The following ACADSB variants were observed in gnomAD, a reference collection of about 807,000 sequenced individuals.
ACADSB encodes short/branched chain specific acyl-CoA dehydrogenase, mitochondrial.
A neutral mutation model predicts 54.1 loss-of-function variants in ACADSB; 40 were observed. The ratio of observed to expected loss-of-function variants is 0.74; its 90% CI spans 0.57 to 0.96. ACADSB has a LOEUF of 0.96. ACADSB is among the 40% of genes least tolerant of loss of function. The probability of loss-of-function intolerance (pLI) is 0.00; values close to 1 mark genes in which losing one functional copy is unlikely to be tolerated. For missense variants in ACADSB, 530 were observed against 510.4 expected (o/e 1.04, Z -0.37); for synonymous variants, 182 against 182.8 (o/e 1.00, Z 0.03).
intron 1 of ACADSB, among the ~76,000 whole-genome samples, chr10:123,023,298 C>T (rs763577108): frequency 9.2e-5 from 14 of 152,190 alleles, no homozygotes; most frequent in Non-Finnish European, 1.5e-4. Flanking sequence ...ATTCTGAAGG[C>T]ATTTCTATTT....
chr10:123,030,407 A>G (rs1396692639), intron 1 of ACADSB, among the ~76,000 whole-genome samples: 2 of 151,872 alleles, frequency 1.3e-5, no homozygotes, highest in African/African-American at 4.8e-5. Flanking sequence ...CACACCTGTA[A>G]TCCTAGCTAT....
At chr10:123,025,074 C>T (rs1012367319) in intron 1 of ACADSB, among the ~76,000 whole-genome samples, 3 of 151,664 alleles carry the variant, frequency 2.0e-5, no homozygotes, top group Non-Finnish European at 2.9e-5. Flanking sequence ...CATGCCTGGG[C>T]GACAGAGTGA....
intron 3 of ACADSB, among the ~76,000 whole-genome samples, chr10:123,038,349 A>C (rs1283644605): frequency 6.6e-6 from 1 of 152,254 alleles, no homozygotes; most frequent in Non-Finnish European, 1.5e-5. Flanking sequence ...GCTCTATATA[A>C]GTGATAAACT....
chr10:123,049,315 T>C (rs1850598755), intron 8 of ACADSB, among the ~76,000 whole-genome samples: 1 of 152,244 alleles, frequency 6.6e-6, no homozygotes, highest in Non-Finnish European at 1.5e-5. Flanking sequence ...TTCAATTGTT[T>C]ATTCAGTATA....
At chr10:123,023,836 G>A (rs1316204001) in intron 1 of ACADSB, among the ~76,000 whole-genome samples, 1 of 152,232 alleles carries the variant, frequency 6.6e-6, no homozygotes, top group Non-Finnish European at 1.5e-5. Flanking sequence ...AAACAGTATT[G>A]CAAAATTTCC....
intron 1 of ACADSB, among the ~76,000 whole-genome samples, chr10:123,032,620 G>C (rs888826838): frequency 2.5e-5 from 3 of 119,390 alleles, no homozygotes; most frequent in African/African-American, 9.9e-5. Context: ...ACGGAGTTTC[G>C]CTCTTGTTGC....
chr10:123,027,229 C>T (rs1850266662), intron 1 of ACADSB, among the ~76,000 whole-genome samples: 1 of 152,106 alleles, frequency 6.6e-6, no homozygotes, highest in Non-Finnish European at 1.5e-5. Context: ...AGTAAGGATG[C>T]CCAGGGCAGA....
rs1038572334 is a variant in ACADSB, at chr10:123,044,405, A to G, written c.820A>G (p.Asn274Asp). The stretch of plus-strand genomic sequence containing the variant: ...TTTGTATTTTCAGGTTCCAGAAGCC[A>G]ATATCTTGGGACAAATTGGACATGG... ...TFENVKVPEA[N>D]ILGQIGHGYK... The change falls in exon 7 of 11, where the codon AAT (asparagine) becomes GAT (aspartate). Residue 274 changes from asparagine to aspartate, a missense_variant. Transcript: ENST00000358776. 6.8e-6 allele frequency: 11 copies of G among 1,612,982 alleles called. No individual in the cohort carries two copies. The highest frequency in any genetic ancestry group is 2.7e-5 in the African/African-American group (2 of 74,926).
rs1004691105 is a variant in ACADSB at position 123,044,416 on chromosome 10, A to G, written c.831A>G (p.Gly277=). The G allele has an allele frequency of 6.2e-7, 1 of 1,613,832 alleles. No homozygotes were observed. Among genetic ancestry groups the G allele is most frequent in the African/African-American group, 1.3e-5 (1 of 75,052 alleles). ...AGGTTCCAGAAGCCAATATCTTGGG[A>G]CAAATTGGACATGGCTATAAGTATG... is the stretch of plus-strand genomic sequence containing the variant. ...NVKVPEANIL[G]QIGHGYKYAI... Residue 277 remains glycine, a synonymous_variant, in exon 7 of 11, where the codon GGA becomes GGG. Transcript: ENST00000358776.
chr10:123,037,972 A>C lies in ACADSB; in HGVS notation c.303+125A>C, dbSNP rs4980246. 0.083 allele frequency: 61,850 copies of C among 743,054 alleles called. 3,013 individuals are homozygous for C. The highest frequency in any genetic ancestry group is 0.14 in the African/African-American group (7,717 of 56,532). The allele number at this position is 743,054 out of a possible 1,614,324, so 46.0% of individuals were successfully genotyped here. A position where few individuals can be genotyped will look rare whatever the true frequency, so the allele number is the denominator to read the frequency against. Reference sequence around the variant, plus strand: ...GTTTTCTTTTTTTGGTTGAAATCCTACTTGATATTTATGTACTTAAAAGTT... The same window carrying C: ...GTTTTCTTTTTTTGGTTGAAATCCTCCTTGATATTTATGTACTTAAAAGTT... On this transcript the variant is annotated intron_variant, in intron 3 of 10. Transcript: ENST00000358776.
In ACADSB at chr10:123,020,130, T is replaced by A. The variant is rs1850165015; in HGVS notation, c.42+11059T>A. Among the ~76,000 whole-genome samples, 3 of 152,084 alleles carry A rather than the reference T, an allele frequency of 2.0e-5. No individual in the cohort carries two copies. In the South Asian group the frequency reaches 6.2e-4, roughly 32 times the overall value. ...AGCAAGTACCTGGCTCATTAAATAGTTAAAGGGTTTTGTTTATATACCTAC... is the reference window on the plus strand; with the variant it reads ...AGCAAGTACCTGGCTCATTAAATAGATAAAGGGTTTTGTTTATATACCTAC... On this transcript the variant is annotated intron_variant, in intron 1 of 10. Coordinates refer to ENST00000358776, the MANE Select transcript of ACADSB (RefSeq NM_001609.4).
Position 123,057,483 on chromosome 10 carries a change from T to C in ACADSB, c.*3718T>C, listed in dbSNP as rs985129225. On this transcript the variant is annotated 3_prime_UTR_variant, in exon 11 of 11. Coordinates refer to ENST00000358776, the MANE Select transcript of ACADSB (RefSeq NM_001609.4). ...ACCATGACTTCAGGAGCTTTAAAAC[T>C]ATCTATCTTGCATTTGTGTCTGGCG... The C allele has an allele frequency of 6.6e-6, 1 of 152,200 alleles. No individual in the cohort carries two copies. The highest frequency in any genetic ancestry group is 2.4e-5 in the African/African-American group (1 of 41,454). The allele number at this position is 152,200 out of a possible 1,614,324, so 9.4% of individuals were successfully genotyped here.
In ACADSB at chr10:123,051,146, T is replaced by C; in HGVS notation, c.1088T>C (p.Phe363Ser). The stretch of plus-strand genomic sequence containing the variant: ...AGGCTTTTAGAAGCTGGAAAGCCAT[T>C]CATAAAAGAAGCGTCAATGGCCAAA... ...AARLLEAGKP[F>S]IKEASMAKYY... The change falls in exon 9 of 11, where the codon TTC (phenylalanine) becomes TCC (serine). Residue 363 changes from phenylalanine (F) to serine (S), a missense_variant. Physicochemically the swap from Phe to Ser is radical, Grantham distance 155. Transcript: ENST00000358776. 6.4e-7 allele frequency: 1 copy of C among 1,554,282 alleles called. No homozygotes were observed. Among genetic ancestry groups the C allele is most frequent in the South Asian group, 1.1e-5 (1 of 89,290 alleles).
chr10:123,029,841 G>C (rs1404146630), intron 1 of ACADSB, among the ~76,000 whole-genome samples: 1 of 152,190 alleles, frequency 6.6e-6, no homozygotes, highest in Non-Finnish European at 1.5e-5. Context: ...TTGCGCTGCT[G>C]TAACAGAATA....
chr10:123,011,035 TG>T (rs1850027231), intron 1 of ACADSB, among the ~76,000 whole-genome samples: 1 of 152,042 alleles, frequency 6.6e-6, no homozygotes, highest in African/African-American at 2.4e-5. Context: ...TTTAGGGAAT[TG>T]GGGGTTGATC....
chr10:123,028,722 G>T (rs1414678861), intron 1 of ACADSB, among the ~76,000 whole-genome samples: 1 of 152,050 alleles, frequency 6.6e-6, no homozygotes, highest in Non-Finnish European at 1.5e-5. Context: ...TCAGGCAATT[G>T]TACATACTTT....
At chr10:123,020,400 C>T (rs1426555993) in intron 1 of ACADSB, among the ~76,000 whole-genome samples, 2 of 152,162 alleles carry the variant, frequency 1.3e-5, no homozygotes, top group African/African-American at 4.8e-5. Context: ...ATGTCTTCAG[C>T]TTAAAAGAAG....
At chr10:123,031,630 T>C (rs1042501810) in intron 1 of ACADSB, among the ~76,000 whole-genome samples, 3 of 152,180 alleles carry the variant, frequency 2.0e-5, no homozygotes, top group African/African-American at 7.2e-5. Flanking sequence ...AAGACTGTCA[T>C]AGTATTAATA....
At chr10:123,027,851 G>C (rs1850275753) in intron 1 of ACADSB, among the ~76,000 whole-genome samples, 1 of 152,186 alleles carries the variant, frequency 6.6e-6, no homozygotes, top group African/African-American at 2.4e-5. Context: ...GGCTGGATCA[G>C]GTTTTGTAAG....
Sources: gnomAD v4.1 joint callset for allele counts (sites outside exome capture counted in the v4.1 genomes callset) on GRCh38, gnomAD v4.1.1 for gene constraint, MANE v1.5 for transcripts, NCBI Gene and HGNC (gene_info 2026-07-23, HGNC 2026-07-21) for gene names.